Variants in KIF6 observed in about 807,000 individuals in gnomAD.
KIF6 encodes the protein kinesin-like protein KIF6.
A neutral mutation model predicts 112.7 loss-of-function variants in KIF6; 106 were observed. The observed-to-expected ratio is 0.94, with a 90% CI of 0.80 to 1.11. KIF6 has a LOEUF of 1.11. KIF6 is among the 50% of genes least tolerant of loss of function. KIF6 has a pLI of 0.00. For synonymous variants in KIF6, 339 were observed against 339.9 expected, an observed-to-expected ratio of 1.00 and a Z score of 0.03; for missense variants, 929 against 964.0, an observed-to-expected ratio of 0.96 and a Z score of 0.48.
chr6:39,386,797 G>A (rs1245026131), intron 15 of KIF6, among the ~76,000 whole-genome samples: 1 of 152,144 alleles, frequency 6.6e-6, no homozygotes, highest in Non-Finnish European at 1.5e-5. Context: ...TATGTCCAAG[G>A]GCTCAGCACA....
chr6:39,550,013 T>C (rs1028057687), intron 10 of KIF6, among the ~76,000 whole-genome samples: 9 of 151,966 alleles, frequency 5.9e-5, no homozygotes, highest in Admixed American at 3.9e-4. Flanking sequence ...CCCGAAATTT[T>C]TGGCCAGCTA....
rs946112301 is a variant in KIF6 at position 39,360,783 on chromosome 6, C to T, written c.1947-253G>A. ...CTGTGTGTGAGATGAATAGCCTCTC[C>T]CCCAAGAATGAGAACTGCCATTTGC... On this transcript the variant is annotated intron_variant, in intron 17 of 22. Transcript: ENST00000287152. 3.3e-5 allele frequency among the ~76,000 whole-genome samples: 5 copies of T among 152,254 alleles called. 1 individual carries two copies. The East Asian group carries it at 9.7e-4, about 29-fold the overall frequency.
intron 13 of KIF6, among the ~76,000 whole-genome samples, chr6:39,537,803 C>T (rs1406765566): frequency 6.6e-6 from 1 of 152,172 alleles, no homozygotes; most frequent in Non-Finnish European, 1.5e-5. Flanking sequence ...ATCACGCTAC[C>T]TGACTTCAAA....
chr6:39,491,670 C>T (rs1476158687), intron 13 of KIF6, among the ~76,000 whole-genome samples: 1 of 152,120 alleles, frequency 6.6e-6, no homozygotes, highest in Non-Finnish European at 1.5e-5. Context: ...TAGTGAAAGC[C>T]TGAAAAGTTT....
At chr6:39,590,925 T>A (rs1378821450) in intron 7 of KIF6, among the ~76,000 whole-genome samples, 1 of 152,210 alleles carries the variant, frequency 6.6e-6, no homozygotes, top group East Asian at 1.9e-4. Context: ...ATCAAGGACT[T>A]AGTTTTTGCC....
At chr6:39,397,127 T>C (rs1768332332) in intron 15 of KIF6, among the ~76,000 whole-genome samples, 2 of 152,038 alleles carry the variant, frequency 1.3e-5, no homozygotes. Context: ...TGACTCCAAC[T>C]TTTTACAAAT....
intron 3 of KIF6, among the ~76,000 whole-genome samples, chr6:39,640,063 G>A (rs1036253404): frequency 5.3e-5 from 8 of 151,868 alleles, no homozygotes; most frequent in Non-Finnish European, 1.0e-4. Flanking sequence ...AAAAAGTTCT[G>A]GGGAAACAAT....
chr6:39,694,898 A>C (rs1310537099), intron 3 of KIF6, among the ~76,000 whole-genome samples: 1 of 152,210 alleles, frequency 6.6e-6, no homozygotes, highest in African/African-American at 2.4e-5. Context: ...CAGAGGTATC[A>C]CATTACCCAA....
At position 39,598,888 on chromosome 6, in the gene KIF6, A is replaced by G. The variant is rs531489163; in HGVS notation, c.640-2628T>C. Reference sequence around the variant, plus strand: ...ATATGAACATTATGATAGAATTTACATAATTAAAAAAGCAATATTATCTAT... The same window carrying G: ...ATATGAACATTATGATAGAATTTACGTAATTAAAAAAGCAATATTATCTAT... On this transcript the variant is annotated intron_variant, in intron 6 of 22. Coordinates refer to ENST00000287152, the MANE Select transcript of KIF6 (RefSeq NM_145027.6). Among the ~76,000 whole-genome samples the G allele has an allele frequency of 1.2e-4, 19 of 152,310 alleles. No individual in the cohort carries two copies. In the East Asian group the frequency reaches 2.7e-3, roughly 22 times the overall value.
At position 39,372,369 on chromosome 6, in the gene KIF6, C is replaced by A. The variant is rs544834702; in HGVS notation, c.1862-9851G>T. On this transcript the variant is annotated intron_variant, in intron 16 of 22. Transcript: ENST00000287152. Reference sequence around the variant, plus strand: ...GTCCCTACCAAAAATTACAATGCGCCTGGAGAAGAAAATAAGTGGTAAATT... The same window carrying A: ...GTCCCTACCAAAAATTACAATGCGCATGGAGAAGAAAATAAGTGGTAAATT... Among the ~76,000 whole-genome samples the A allele has an allele frequency of 1.5e-3, 229 of 152,258 alleles. 1 individual carries two copies. Among genetic ancestry groups the A allele is most frequent in the Admixed American group, 3.5e-3 (54 of 15,296 alleles).
intron 22 of KIF6, among the ~76,000 whole-genome samples, chr6:39,340,827 G>A (rs1763287646): frequency 6.6e-6 from 1 of 152,010 alleles, no homozygotes; most frequent in South Asian, 2.1e-4. Flanking sequence ...CTTAGTGAAT[G>A]TAACTTAAAG....
At chr6:39,527,500 G>A (rs929197509) in intron 13 of KIF6, among the ~76,000 whole-genome samples, 1 of 151,798 alleles carries the variant, frequency 6.6e-6, no homozygotes, top group African/African-American at 2.4e-5. Flanking sequence ...TGCTTTGGTG[G>A]TTCTCTTACA....
chr6:39,583,667 T>C (rs1781428421), intron 9 of KIF6, among the ~76,000 whole-genome samples: 1 of 145,248 alleles, frequency 6.9e-6, no homozygotes, highest in African/African-American at 2.6e-5. Context: ...TTGGTAGGAT[T>C]TCACTTCTTT....
At chr6:39,523,955 C>T in intron 13 of KIF6, among the ~76,000 whole-genome samples, 1 of 151,908 alleles carries the variant, frequency 6.6e-6, no homozygotes, top group East Asian at 1.9e-4. Flanking sequence ...GAATAGGAGC[C>T]ACTGCTCCTT....
intron 13 of KIF6, among the ~76,000 whole-genome samples, chr6:39,538,638 C>A (rs1198281429): frequency 6.7e-6 from 1 of 150,086 alleles, no homozygotes; most frequent in Non-Finnish European, 1.5e-5. Context: ...ACTAGTTCAA[C>A]CATTGTGGAA....
chr6:39,421,339 C>T (rs2150366361), intron 14 of KIF6, among the ~76,000 whole-genome samples: 1 of 152,276 alleles, frequency 6.6e-6, no homozygotes, highest in Middle Eastern at 3.4e-3. Context: ...CCCTAACATA[C>T]CCAGTATCAC....
At chr6:39,354,623 A>C (rs1764502497) in intron 19 of KIF6, among the ~76,000 whole-genome samples, 1 of 152,156 alleles carries the variant, frequency 6.6e-6, no homozygotes, top group Non-Finnish European at 1.5e-5. Flanking sequence ...GAGAATGGTT[A>C]TAATAGGGCC....
intron 16 of KIF6, among the ~76,000 whole-genome samples, chr6:39,375,545 T>G (rs1015458504): frequency 2.0e-5 from 3 of 152,122 alleles, no homozygotes; most frequent in African/African-American, 7.2e-5. Context: ...AATGGCAAAT[T>G]TCCTCTCTCT....
Position 39,596,134 on chromosome 6 carries a change from G to A in KIF6, c.766C>T (p.Arg256Ter), listed in dbSNP as rs758541660. 11 of 1,613,824 alleles carry A rather than the reference G, an allele frequency of 6.8e-6. No homozygotes were observed. Among genetic ancestry groups the A allele is most frequent in the East Asian group, 4.5e-5 (2 of 44,874 alleles). ...LHLVDLAGSE[R>*]VAKTGVGGHL... ...CCCCCTACTCCAGTCTTTGCAACTC[G>A]CTCTGAACCAGCCAGGTCAACCAGA... Residue 256 changes from arginine to a stop codon, truncating the protein, a stop_gained, in exon 7 of 23, where the codon CGA becomes TGA. Coordinates refer to ENST00000287152, the MANE Select transcript of KIF6 (RefSeq NM_145027.6). LOFTEE classifies it high-confidence loss of function.
Sources: allele counts gnomAD v4.1 joint callset (sites outside exome capture counted in the v4.1 genomes callset), GRCh38; gene constraint gnomAD v4.1.1; transcripts MANE v1.5; gene names NCBI Gene and HGNC (gene_info 2026-07-23, HGNC 2026-07-21).